NGFR: variants seen among roughly 807,000 people sequenced by gnomAD.
The protein encoded by NGFR is nerve growth factor receptor, also known as tumor necrosis factor receptor superfamily member 16.
A neutral mutation model predicts 43.2 loss-of-function variants in NGFR; 30 were observed. That is an observed-to-expected ratio of 0.69 (90% CI 0.52 to 0.94). NGFR has a LOEUF of 0.94. Ranked by LOEUF, NGFR falls within the 40% of genes least tolerant of loss-of-function variation. The pLI is 0.00. For synonymous variants in NGFR, 246 were observed against 259.6 expected, an observed-to-expected ratio of 0.95 and a Z score of 0.50; for missense variants, 529 against 602.5, an observed-to-expected ratio of 0.88 and a Z score of 1.28.
chr17:49,496,079 G>C (rs1054154406), intron 1 of NGFR: 1 of 153,240 alleles, frequency 6.5e-6, no homozygotes, highest in African/African-American at 2.4e-5. Context: ...GTTGGGGAGC[G>C]GGAGAGAGGT....
At position 49,513,620 on chromosome 17, in the gene NGFR, C is replaced by G. The variant is rs1343014350; in HGVS notation, c.*611C>G. On this transcript the variant is annotated 3_prime_UTR_variant, in exon 6 of 6. Transcript: ENST00000172229. ...AGGTCAGTGAGGCCCAGGGAGAGGC[C>G]ATGATTCGCCCAAAGCCAGACAGCA... is the stretch of plus-strand genomic sequence containing the variant. 6.6e-6 allele frequency: 1 copy of G among 152,444 alleles called. No homozygotes were observed. The highest frequency in any genetic ancestry group is 2.1e-4 in the South Asian group (1 of 4,838). 9.4% of individuals were successfully genotyped at this position (152,444 alleles called of 1,614,324 possible). A position where few individuals can be genotyped will look rare whatever the true frequency, so the allele number is the denominator to read the frequency against.
Position 49,502,184 on chromosome 17 carries a change from T to A in NGFR, c.188T>A (p.Val63Glu). ...VAQPCGANQT[V>E]CEPCLDSVTF... Reference sequence around the variant, plus strand: ...CAGCCTTGTGGAGCCAACCAGACCGTGTGTGAGCCCTGCCTGGACAGTGAG... The same window carrying A: ...CAGCCTTGTGGAGCCAACCAGACCGAGTGTGAGCCCTGCCTGGACAGTGAG... Residue 63 changes from valine to glutamate, a missense_variant, in exon 2 of 6, where the codon GTG (valine) becomes GAG (glutamate). Val to Glu is a moderately radical substitution (Grantham distance 121). Transcript: ENST00000172229. 1 of 1,607,496 alleles carries A rather than the reference T, an allele frequency of 6.2e-7. No homozygotes were observed.
At chr17:49,500,765 C>G (rs989321175) in intron 1 of NGFR, among the ~76,000 whole-genome samples, 1 of 152,192 alleles carries the variant, frequency 6.6e-6, no homozygotes, top group African/African-American at 2.4e-5. Flanking sequence ...GTTGCCTGTG[C>G]CTGTCCTGCT....
Position 49,512,922 on chromosome 17 carries a change from C to A in NGFR, c.1197C>A (p.Asp399Glu), listed in dbSNP as rs778547434. The change falls in exon 6 of 6, where the codon GAC (aspartate) becomes GAA (glutamate). Residue 399 changes from aspartate (D) to glutamate (E), a missense_variant. Physicochemically the swap from Asp to Glu is conservative, Grantham distance 45 (BLOSUM62 2). Transcript: ENST00000172229. This position sits in a 1 kb window ranked among gnomAD's most constrained non-coding sequence, Gnocchi z 5.2. The stretch of plus-strand genomic sequence containing the variant: ...CCACCCAGGACAGCGCCACACTGGA[C>A]GCCCTCCTGGCCGCCCTGCGCCGCA... ...SWATQDSATL[D>E]ALLAALRRIQ... 6.2e-7 allele frequency: 1 copy of A among 1,612,112 alleles called. No homozygotes were observed. The highest frequency in any genetic ancestry group is 1.1e-5 in the South Asian group (1 of 91,006).
At chr17:49,501,999 A>AGGGCCCCCCCCCC in intron 1 of NGFR, 64 bp from the exon 2 acceptor site, 11 of 330,974 alleles carry the variant, frequency 3.3e-5, no homozygotes, top group East Asian at 6.4e-5. Context: ...TCCCCGGAAG[A>AGGGCCCCCCCCCC]ACCCCCCCCA....
Position 49,512,095 on chromosome 17 carries a change from G to A in NGFR, c.982+43G>A, listed in dbSNP as rs1054283218. 1 of 1,595,340 alleles carries A rather than the reference G, an allele frequency of 6.3e-7. No individual in the cohort carries two copies. The highest frequency in any genetic ancestry group is 1.3e-5 in the African/African-American group (1 of 74,508). Reference sequence around the variant, plus strand: ...GGGGAGCTGAGGCGGAGCTGAGGCTGAGGAAACAGAAGCAATTAAGATTAG... The same window carrying A: ...GGGGAGCTGAGGCGGAGCTGAGGCTAAGGAAACAGAAGCAATTAAGATTAG... On this transcript the variant is annotated intron_variant, in intron 5 of 5. Coordinates refer to ENST00000172229, the MANE Select transcript of NGFR (RefSeq NM_002507.4). This position sits in a 1 kb window ranked among gnomAD's most constrained non-coding sequence, Gnocchi z 5.2.
rs762741911 is a variant in NGFR, at chr17:49,512,032, C to T, written c.962C>T (p.Thr321Met). The change falls in exon 5 of 6, where the codon ACG (threonine) becomes ATG (methionine). Residue 321 changes from threonine (T) to methionine (M), a missense_variant. Coordinates refer to ENST00000172229, the MANE Select transcript of NGFR (RefSeq NM_002507.4). The surrounding 1 kb of genome is among the most constrained non-coding windows in gnomAD (Gnocchi z 5.2). ...SQSLHDQQPH[T>M]QTASGQALKG... is the part of the protein sequence containing the mutation. Reference sequence around the variant, plus strand: ...AGCCTGCATGACCAGCAGCCCCACACGCAGACAGCCTCGGGCCAGGGTGAG... The same window carrying T: ...AGCCTGCATGACCAGCAGCCCCACATGCAGACAGCCTCGGGCCAGGGTGAG... The T allele has an allele frequency of 2.2e-5, 36 of 1,613,452 alleles. No individual in the cohort carries two copies. Among genetic ancestry groups the T allele is most frequent in the Admixed American group, 1.2e-4 (7 of 59,966 alleles).
Position 49,506,619 on chromosome 17 carries a change from C to G in NGFR, c.529C>G (p.Leu177Val), listed in dbSNP as rs771666052. The G allele has an allele frequency of 6.3e-6, 10 of 1,594,698 alleles. No individual in the cohort carries two copies. In the South Asian group the frequency reaches 1.0e-4, roughly 16 times the overall value. Residue 177 changes from leucine (L) to valine (V), a missense_variant, in exon 3 of 6, where the codon CTC (leucine) becomes GTC (valine). Coordinates refer to ENST00000172229, the MANE Select transcript of NGFR (RefSeq NM_002507.4). ...CTVCEDTERQLRECTRWADAE... is the reference protein window; with the variant it reads ...CTVCEDTERQVRECTRWADAE... ...CGTGTGCGAGGACACCGAGCGCCAG[C>G]TCCGCGAGTGCACACGCTGGGCCGA...
Position 49,506,678 on chromosome 17 carries a change from C to T in NGFR, c.568+20C>T, listed in dbSNP as rs978047517. On this transcript the variant is annotated intron_variant, in intron 3 of 5. Coordinates refer to ENST00000172229, the MANE Select transcript of NGFR (RefSeq NM_002507.4). ...GCGAGGGTGAGTGCGGTTCGGGGGGCGGGGGGAGTGGGGGTGCGGGGGTGG... is the reference window on the plus strand; with the variant it reads ...GCGAGGGTGAGTGCGGTTCGGGGGGTGGGGGGAGTGGGGGTGCGGGGGTGG... The T allele has an allele frequency of 7.1e-5, 6 of 84,942 alleles. No individual in the cohort carries two copies. The highest frequency in any genetic ancestry group is 2.6e-4 in the East Asian group (1 of 3,840). The allele number at this position is 84,942 out of a possible 1,614,324, so 5.3% of individuals were successfully genotyped here.
chr17:49,511,958 A>G lies in NGFR; in HGVS notation c.888A>G (p.Pro296=), dbSNP rs929593147. Residue 296 remains proline (P), a synonymous_variant, in exon 5 of 6, where the codon CCA becomes CCG. Transcript: ENST00000172229. ...NSRPVNQTPP[P]EGEKLHSDSG... is the part of the protein sequence containing the mutation. ...GGCCAGTGAACCAGACGCCCCCACC[A>G]GAGGGAGAAAAACTCCACAGCGACA... 3.7e-6 allele frequency: 6 copies of G among 1,613,650 alleles called. No homozygotes were observed. The highest frequency in any genetic ancestry group is 5.1e-6 in the Non-Finnish European group (6 of 1,179,816).
At chr17:49,498,177 C>T (rs192360441) in intron 1 of NGFR, among the ~76,000 whole-genome samples, 47 of 152,168 alleles carry the variant, frequency 3.1e-4, no homozygotes, top group Non-Finnish European at 5.7e-4. Context: ...GTTCTCTTTC[C>T]TACATATGCC....
chr17:49,506,569 A>G lies in NGFR; in HGVS notation c.479A>G (p.His160Arg). The G allele has an allele frequency of 6.2e-7, 1 of 1,611,104 alleles. No homozygotes were observed. Among genetic ancestry groups the G allele is most frequent in the South Asian group, 1.1e-5 (1 of 91,002 alleles). ...GGCACGTATTCCGACGAGGCCAACCACGTGGACCCGTGCCTGCCCTGCACC... is the reference window on the plus strand; with the variant it reads ...GGCACGTATTCCGACGAGGCCAACCGCGTGGACCCGTGCCTGCCCTGCACC... ...PDGTYSDEAN[H>R]VDPCLPCTVC... Residue 160 changes from histidine (H) to arginine (R), a missense_variant, in exon 3 of 6, where the codon CAC becomes CGC. Coordinates refer to ENST00000172229, the MANE Select transcript of NGFR (RefSeq NM_002507.4).
At position 49,512,817 on chromosome 17, in the gene NGFR, C is replaced by T. The variant is rs536648246; in HGVS notation, c.1092C>T (p.Gly364=). The change falls in exon 6 of 6, where the codon GGC becomes GGT. Residue 364 remains glycine (G), a synonymous_variant. Transcript: ENST00000172229. This position sits in a 1 kb window ranked among gnomAD's most constrained non-coding sequence, Gnocchi z 5.2. ...GGGACACCTGGCGGCACCTGGCGGG[C>T]GAGCTGGGCTACCAGCCCGAGCACA... ...SAGDTWRHLA[G]ELGYQPEHID... 823 of 1,613,414 alleles carry T rather than the reference C, an allele frequency of 5.1e-4. 8 individuals carry two copies. In the South Asian group the frequency reaches 7.8e-3, roughly 15 times the overall value.
In NGFR at chr17:49,495,816, A is replaced by C; in HGVS notation, c.66+333A>C. 1 of 300,686 alleles carries C rather than the reference A, an allele frequency of 3.3e-6. No individual in the cohort carries two copies. The highest frequency in any genetic ancestry group is 6.1e-6 in the Non-Finnish European group (1 of 163,378). The allele number at this position is 300,686 out of a possible 1,614,324, so 18.6% of individuals were successfully genotyped here. Reference sequence around the variant, plus strand: ...AGGTTCTTCGGAAGAGGACACTCGAATGCCGGGATCCCGAAGGGACTTTCC... The same window carrying C: ...AGGTTCTTCGGAAGAGGACACTCGACTGCCGGGATCCCGAAGGGACTTTCC... On this transcript the variant is annotated intron_variant, in intron 1 of 5. Transcript: ENST00000172229. The surrounding 1 kb of genome is among the most constrained non-coding windows in gnomAD (Gnocchi z 6.4).
intron 3 of NGFR, 35 bp downstream of exon 3, chr17:49,506,693 T>TGG: frequency 1.7e-5 from 2 of 115,494 alleles, no homozygotes; most frequent in South Asian, 3.7e-4. Context: ...GGAGTGGGGG[T>TGG]GCGGGGGTGG....
At chr17:49,500,499 C>A (rs571457742) in intron 1 of NGFR, among the ~76,000 whole-genome samples, 3 of 152,220 alleles carry the variant, frequency 2.0e-5, no homozygotes, top group Middle Eastern at 3.2e-3. Context: ...AACCGGAGAA[C>A]AGGCTGGATG....
At chr17:49,505,482 C>T (rs191189078) in intron 2 of NGFR, among the ~76,000 whole-genome samples, 21 of 152,352 alleles carry the variant, frequency 1.4e-4, no homozygotes, top group Admixed American at 2.6e-4. Context: ...TTCTGGAGTG[C>T]ACATCCAGTA....
chr17:49,505,070 C>G (rs1054785855), intron 2 of NGFR, among the ~76,000 whole-genome samples: 1 of 152,084 alleles, frequency 6.6e-6, no homozygotes, highest in African/African-American at 2.4e-5. Context: ...CCACGCCCAG[C>G]CTTTGTCCCC....
chr17:49,501,999 A>ATCGGGGCCCCCCCCCC, intron 1 of NGFR, 64 bp from the exon 2 acceptor site: 1 of 330,984 alleles, frequency 3.0e-6, no homozygotes, highest in Non-Finnish European at 5.9e-6. Flanking sequence ...TCCCCGGAAG[A>ATCGGGGCCCCCCCCCC]ACCCCCCCCA....
Sources: allele counts gnomAD v4.1 joint callset (sites outside exome capture counted in the v4.1 genomes callset), GRCh38; gene constraint gnomAD v4.1.1; non-coding constraint Gnocchi (gnomAD v3.1); transcripts MANE v1.5; gene names NCBI Gene and HGNC (gene_info 2026-07-23, HGNC 2026-07-21).